DLAT: variants seen among roughly 807,000 people sequenced by gnomAD.
DLAT encodes the protein dihydrolipoamide S-acetyltransferase, also known as dihydrolipoyllysine-residue acetyltransferase component of pyruvate dehydrogenase complex, mitochondrial.
A neutral mutation model predicts 68.0 loss-of-function variants in DLAT; 43 were observed. The observed-to-expected ratio is 0.63, with a 90% CI of 0.50 to 0.81. DLAT has a LOEUF of 0.81. DLAT is among the 40% of genes least tolerant of loss of function. The probability of loss-of-function intolerance (pLI) is 0.00; values close to 1 mark genes in which losing one functional copy is unlikely to be tolerated. For synonymous variants in DLAT, 265 were observed against 288.6 expected (o/e 0.92, Z 0.83); for missense variants, 745 against 815.4 (o/e 0.91, Z 1.05).
intron 2 of DLAT, among the ~76,000 whole-genome samples, chr11:112,027,585 G>A (rs1301340087): frequency 2.0e-5 from 3 of 151,858 alleles, no homozygotes; most frequent in Non-Finnish European, 4.4e-5. Context: ...CCGAGATCAC[G>A]CCACTGCACT....
chr11:112,042,743 T>C (rs1181324685), intron 7 of DLAT, among the ~76,000 whole-genome samples: 1 of 152,252 alleles, frequency 6.6e-6, no homozygotes, highest in East Asian at 1.9e-4. Flanking sequence ...TTAAACCTAC[T>C]GAGAGAACTT....
intron 8 of DLAT, 141 bp downstream of exon 8, chr11:112,043,674 T>A (rs1555181208): frequency 1.2e-6 from 1 of 858,528 alleles, no homozygotes. Flanking sequence ...CAGTCATCCC[T>A]CGGTACCCAT....
rs1555180101 is a variant in DLAT at position 112,033,267 on chromosome 11, G to A, written c.661-137G>A. The A allele has an allele frequency of 9.9e-6, 10 of 1,007,934 alleles. No individual in the cohort carries two copies. In the East Asian group the frequency reaches 2.7e-4, roughly 28 times the overall value. The allele number at this position is 1,007,934 out of a possible 1,614,324, so 62.4% of individuals were successfully genotyped here. ...GATTTACCTGGTGGGAAGCTATTGAGGTGTGAAGCTTTTGCTGTGGTGAGT... is the reference window on the plus strand; with the variant it reads ...GATTTACCTGGTGGGAAGCTATTGAAGTGTGAAGCTTTTGCTGTGGTGAGT... On this transcript the variant is annotated intron_variant, in intron 4 of 13. Coordinates refer to ENST00000280346, the MANE Select transcript of DLAT (RefSeq NM_001931.5).
rs1385152811 is a variant in DLAT at position 112,062,710 on chromosome 11, C to T, written c.*175C>T. ...CTGAATTTTTAAAATGCCGATTACACCCAAATATTGTGCACATTTAATAAT... is the reference window on the plus strand; with the variant it reads ...CTGAATTTTTAAAATGCCGATTACATCCAAATATTGTGCACATTTAATAAT... On this transcript the variant is annotated 3_prime_UTR_variant, in exon 14 of 14. Transcript: ENST00000280346. 10 of 701,990 alleles carry T rather than the reference C, an allele frequency of 1.4e-5. No homozygotes were observed. In the Admixed American group the frequency reaches 1.8e-4, roughly 13 times the overall value. 43.5% of individuals were successfully genotyped at this position (701,990 alleles called of 1,614,324 possible). A position where few individuals can be genotyped will look rare whatever the true frequency, so the allele number is the denominator to read the frequency against.
intron 4 of DLAT, among the ~76,000 whole-genome samples, chr11:112,029,523 G>A (rs782470125): frequency 1.3e-5 from 2 of 152,136 alleles, no homozygotes; most frequent in African/African-American, 4.8e-5. Context: ...GCTCTTTATA[G>A]CAATCAGATT....
At chr11:112,031,607 A>G (rs1023311830) in intron 4 of DLAT, among the ~76,000 whole-genome samples, 2 of 148,594 alleles carry the variant, frequency 1.3e-5, no homozygotes, top group Admixed American at 1.3e-4. Flanking sequence ...ATAGGGTCTC[A>G]CTCTTCACCT....
intron 2 of DLAT, among the ~76,000 whole-genome samples, chr11:112,027,727 G>A (rs1028387528): frequency 5.3e-5 from 8 of 152,066 alleles, no homozygotes; most frequent in Non-Finnish European, 7.4e-5. Flanking sequence ...GCGAAACCCC[G>A]TCTCCACCAA....
rs1555181363 is a variant in DLAT, at chr11:112,045,209, C to T, written c.1269C>T (p.Ile423=). The part of the protein sequence containing the change: ...APVPTGVFTD[I]PISNIRRVIA... ...TTCCTACAGGTGTCTTCACAGATAT[C>T]CCAATCAGCAACATTCGTCGGGTAA... is the stretch of plus-strand genomic sequence containing the variant. Residue 423 remains isoleucine (I), a synonymous_variant, in exon 9 of 14, where the codon ATC becomes ATT. Coordinates refer to ENST00000280346, the MANE Select transcript of DLAT (RefSeq NM_001931.5). 6.2e-7 allele frequency: 1 copy of T among 1,613,976 alleles called. No homozygotes were observed. The highest frequency in any genetic ancestry group is 8.5e-7 in the Non-Finnish European group (1 of 1,179,932).
chr11:112,039,570 A>C (rs1862949428), intron 7 of DLAT, among the ~76,000 whole-genome samples, 173 bp downstream of exon 7: 1 of 152,228 alleles, frequency 6.6e-6, no homozygotes, highest in African/African-American at 2.4e-5. Flanking sequence ...ACCACAGAGT[A>C]GGGAAACTTT....
At chr11:112,046,728 G>T (rs1353879624) in intron 10 of DLAT, among the ~76,000 whole-genome samples, 1 of 151,632 alleles carries the variant, frequency 6.6e-6, no homozygotes, top group Admixed American at 6.6e-5. Flanking sequence ...TTGGTTTTCT[G>T]TTCCTGTGTT....
Position 112,036,165 on chromosome 11 carries a change from A to ATGTGTGTG in DLAT, c.788-1107_788-1106insGTGTGTGT, listed in dbSNP as rs797041830. Among the ~76,000 whole-genome samples the ATGTGTGTG allele has an allele frequency of 3.4e-3, 344 of 101,782 alleles. 5 individuals carry two copies. Among genetic ancestry groups the ATGTGTGTG allele is most frequent in the African/African-American group, 0.015 (324 of 21,704 alleles). The allele number at this position is 101,782 out of a possible 152,430, so 66.8% of individuals were successfully genotyped here. ...TGTATATATATATATGTGTGTGTAT[A>ATGTGTGTG]TATGTGTGTGTGTGTGTGTGTGTGT... On this transcript the variant is annotated intron_variant, in intron 5 of 13. Coordinates refer to ENST00000280346, the MANE Select transcript of DLAT (RefSeq NM_001931.5).
At chr11:112,042,187 TA>T (rs1164438456) in intron 7 of DLAT, among the ~76,000 whole-genome samples, 1 of 152,238 alleles carries the variant, frequency 6.6e-6, no homozygotes, top group Admixed American at 6.5e-5. Context: ...GTTCCCTTTA[TA>T]CCATATTGCT....
chr11:112,025,816 A>C, intron 1 of DLAT, 65 bp downstream of exon 1: 1 of 1,592,456 alleles, frequency 6.3e-7, no homozygotes, highest in Non-Finnish European at 8.6e-7. Context: ...TGCCTGCAAG[A>C]TCCTCCTTGA....
intron 6 of DLAT, among the ~76,000 whole-genome samples, chr11:112,038,259 C>T (rs1305723449): frequency 2.0e-5 from 3 of 152,020 alleles, no homozygotes; most frequent in East Asian, 1.9e-4. Flanking sequence ...CGTGCAGTGG[C>T]GTGATCTTGG....
At chr11:112,037,081 C>T (rs1862813766) in intron 5 of DLAT, among the ~76,000 whole-genome samples, 192 bp from the exon 6 acceptor site, 1 of 152,104 alleles carries the variant, frequency 6.6e-6, no homozygotes, top group Non-Finnish European at 1.5e-5. Context: ...AGTACCAATC[C>T]AGTGAGATTG....
At chr11:112,055,369 G>A (rs587775634) in intron 11 of DLAT, among the ~76,000 whole-genome samples, 2 of 146,624 alleles carry the variant, frequency 1.4e-5, no homozygotes, top group East Asian at 2.1e-4. Context: ...TCAGCCTCCC[G>A]AGTAGCTGGG....
Position 112,026,150 on chromosome 11 carries a change from G to A in DLAT, c.280-48G>A, listed in dbSNP as rs1202418184. The A allele has an allele frequency of 2.9e-6, 4 of 1,358,316 alleles. No homozygotes were observed. In the East Asian group the frequency reaches 9.4e-5, roughly 32 times the overall value. The allele number at this position is 1,358,316 out of a possible 1,614,324, so 84.1% of individuals were successfully genotyped here. On this transcript the variant is annotated intron_variant, in intron 1 of 13. Transcript: ENST00000280346. The stretch of plus-strand genomic sequence containing the variant: ...AATGAAATCTTAAGCCAGACTGAGA[G>A]TTAGGTAGTCCTTAAAAATTTTAAT...
intron 6 of DLAT, among the ~76,000 whole-genome samples, chr11:112,037,778 C>CT (rs35822904): frequency 0.73 from 104,990 of 143,198 alleles, 38,346 homozygotes; most frequent in East Asian, 0.81. Context: ...TTGCCCCACC[C>CT]TTTTTTTTTT....
chr11:112,039,877 G>C (rs1322493438), intron 7 of DLAT, among the ~76,000 whole-genome samples: 1 of 152,082 alleles, frequency 6.6e-6, no homozygotes, highest in Non-Finnish European at 1.5e-5. Context: ...TGCCGCCAAA[G>C]AAAAAATATA....
Sources: gnomAD v4.1 joint callset for allele counts (sites outside exome capture counted in the v4.1 genomes callset) on GRCh38, gnomAD v4.1.1 for gene constraint, MANE v1.5 for transcripts, NCBI Gene and HGNC (gene_info 2026-07-23, HGNC 2026-07-21) for gene names.